The following GALNTL6 variants were observed in gnomAD, a reference collection of about 807,000 sequenced individuals.
GALNTL6 encodes polypeptide N-acetylgalactosaminyltransferase-like 6.
Under a neutral mutation model 73.7 loss-of-function variants are expected in GALNTL6, and 46 were observed. That is an observed-to-expected ratio of 0.62 (90% confidence interval 0.49 to 0.80). GALNTL6 has a LOEUF of 0.80. Among genes scored for constraint, GALNTL6 ranks in the 30% least tolerant of loss-of-function variants. The pLI, the probability that GALNTL6 is intolerant of heterozygous loss-of-function variation, is 0.00. For missense variants in GALNTL6, 604 were observed against 755.0 expected, an observed-to-expected ratio of 0.80 and a Z score of 2.34; for synonymous variants, 259 against 263.7, an observed-to-expected ratio of 0.98 and a Z score of 0.17.
chr4:172,171,781 C>T (rs143394393), intron 2 of GALNTL6, among the ~76,000 whole-genome samples: 2 of 152,130 alleles, frequency 1.3e-5, no homozygotes, highest in African/African-American at 4.8e-5. Flanking sequence ...GCCGAGGTTA[C>T]ACCAATGCAC....
At chr4:172,933,607 C>G (rs937153116) in intron 9 of GALNTL6, among the ~76,000 whole-genome samples, 2 of 151,714 alleles carry the variant, frequency 1.3e-5, no homozygotes, top group Non-Finnish European at 2.9e-5. Flanking sequence ...AATATTAAAG[C>G]TTGACTGTCA....
At chr4:172,626,854 A>G (rs1214155316) in intron 5 of GALNTL6, among the ~76,000 whole-genome samples, 1 of 152,076 alleles carries the variant, frequency 6.6e-6, no homozygotes, top group African/African-American at 2.4e-5. Flanking sequence ...GTATCTTGAA[A>G]CTTTATTGAA....
intron 5 of GALNTL6, among the ~76,000 whole-genome samples, chr4:172,586,762 TTTTATGA>T (rs1210468506): frequency 6.6e-6 from 1 of 152,198 alleles, no homozygotes; most frequent in Non-Finnish European, 1.5e-5. Flanking sequence ...CTGCAGAATG[TTTTATGA>T]TTTATGATTC....
chr4:172,001,254 G>C (rs2110759182), intron 2 of GALNTL6, among the ~76,000 whole-genome samples: 1 of 152,272 alleles, frequency 6.6e-6, no homozygotes, highest in Non-Finnish European at 1.5e-5. Context: ...TATCCAATTA[G>C]TATACTTTCA....
At chr4:172,294,398 G>A (rs1195152477) in intron 3 of GALNTL6, among the ~76,000 whole-genome samples, 3 of 152,090 alleles carry the variant, frequency 2.0e-5, no homozygotes, top group African/African-American at 7.2e-5. Context: ...CATTCTGACA[G>A]TTTGCGATTT....
chr4:172,725,443 AT>A (rs1278936492), intron 5 of GALNTL6, among the ~76,000 whole-genome samples: 1 of 152,222 alleles, frequency 6.6e-6, no homozygotes, highest in African/African-American at 2.4e-5. Flanking sequence ...CACTGTGCTT[AT>A]CTAGATCAAA....
chr4:172,411,588 C>T (rs1744438113), intron 5 of GALNTL6, among the ~76,000 whole-genome samples: 3 of 151,548 alleles, frequency 2.0e-5, no homozygotes, highest in South Asian at 4.2e-4. Context: ...TGCTTTCTAA[C>T]CTTTTTCACC....
chr4:172,205,476 C>T (rs898268473), intron 2 of GALNTL6, among the ~76,000 whole-genome samples: 10 of 152,198 alleles, frequency 6.6e-5, no homozygotes, highest in Non-Finnish European at 1.0e-4. Context: ...GAGGCCAATC[C>T]GGACCACACA....
In GALNTL6 at chr4:172,544,415, A is replaced by G. The variant is rs369676150; in HGVS notation, c.553+195726A>G. On this transcript the variant is annotated intron_variant, in intron 5 of 12. Coordinates refer to ENST00000506823, the MANE Select transcript of GALNTL6 (RefSeq NM_001034845.3). The stretch of plus-strand genomic sequence containing the variant: ...CTCTCCCAATCCAAACTTCCTACCC[A>G]TTATAAATATTCTCATCTGCCACCT... 2.0e-5 allele frequency among the ~76,000 whole-genome samples: 3 copies of G among 152,146 alleles called. No homozygotes were observed. The East Asian group carries it at 5.8e-4, about 29-fold the overall frequency.
At chr4:172,931,728 C>T (rs549948472) in intron 9 of GALNTL6, among the ~76,000 whole-genome samples, 2 of 152,312 alleles carry the variant, frequency 1.3e-5, no homozygotes, top group African/African-American at 2.4e-5. Flanking sequence ...GCCTTCTTCT[C>T]TTTCATAACT....
At chr4:172,473,082 G>A (rs141359421) in intron 5 of GALNTL6, among the ~76,000 whole-genome samples, 19 of 152,250 alleles carry the variant, frequency 1.2e-4, no homozygotes, top group Middle Eastern at 3.4e-3. Flanking sequence ...ATTGCTTCCT[G>A]TACTTGTCCT....
chr4:172,060,329 C>T (rs1168441066), intron 2 of GALNTL6, among the ~76,000 whole-genome samples: 2 of 152,008 alleles, frequency 1.3e-5, no homozygotes, highest in African/African-American at 4.8e-5. Flanking sequence ...TATATGCACA[C>T]AAATATATAT....
At chr4:172,364,507 T>A (rs909955529) in intron 5 of GALNTL6, among the ~76,000 whole-genome samples, 3 of 152,168 alleles carry the variant, frequency 2.0e-5, no homozygotes, top group Non-Finnish European at 2.9e-5. Context: ...GCAATAAGTA[T>A]TCTATTTATT....
At chr4:172,430,518 T>C (rs1447589871) in intron 5 of GALNTL6, among the ~76,000 whole-genome samples, 1 of 152,160 alleles carries the variant, frequency 6.6e-6, no homozygotes, top group African/African-American at 2.4e-5. Context: ...GTTCACATGT[T>C]TTATAAGTTA....
At chr4:172,299,497 G>A (rs1162398236) in intron 3 of GALNTL6, among the ~76,000 whole-genome samples, 2 of 152,142 alleles carry the variant, frequency 1.3e-5, no homozygotes, top group East Asian at 1.9e-4. Flanking sequence ...TTTCTCTTGT[G>A]GGCATTTAGT....
intron 2 of GALNTL6, among the ~76,000 whole-genome samples, chr4:171,866,545 T>A (rs1404998116): frequency 6.6e-6 from 1 of 152,184 alleles, no homozygotes; most frequent in Non-Finnish European, 1.5e-5. Context: ...AAAGGCTCAT[T>A]TGAAAATGAT....
Position 171,896,733 on chromosome 4 carries a change from C to T in GALNTL6, c.138+82015C>T, listed in dbSNP as rs886670062. Among the ~76,000 whole-genome samples, 12 of 152,114 alleles carry T rather than the reference C, an allele frequency of 7.9e-5. 1 individual carries two copies. The South Asian group carries it at 2.5e-3, about 31-fold the overall frequency. ...AAGGCCCCACCTCCTAATACCATGA[C>T]CTGGGGATTAAGATTTTATTGTATG... is the stretch of plus-strand genomic sequence containing the variant. On this transcript the variant is annotated intron_variant, in intron 2 of 12. Coordinates refer to ENST00000506823, the MANE Select transcript of GALNTL6 (RefSeq NM_001034845.3).
At chr4:172,869,756 C>T (rs1050079211) in intron 7 of GALNTL6, among the ~76,000 whole-genome samples, 3 of 152,212 alleles carry the variant, frequency 2.0e-5, no homozygotes, top group Non-Finnish European at 2.9e-5. Context: ...TCTCTGGGAA[C>T]AATTCCCTCC....
At chr4:172,722,183 A>T (rs1735522118) in intron 5 of GALNTL6, among the ~76,000 whole-genome samples, 1 of 152,094 alleles carries the variant, frequency 6.6e-6, no homozygotes, top group Non-Finnish European at 1.5e-5. Flanking sequence ...TGTTTTTATC[A>T]GCCTCACCAC....
Sources: allele counts gnomAD v4.1 joint callset (sites outside exome capture counted in the v4.1 genomes callset), GRCh38; gene constraint gnomAD v4.1.1; transcripts MANE v1.5; gene names NCBI Gene and HGNC (gene_info 2026-07-23, HGNC 2026-07-21).